The following TAFA2 variants were observed in gnomAD, a reference collection of about 807,000 sequenced individuals.
TAFA2 encodes the protein TAFA chemokine like family member 2.
TAFA2 carries 7 observed loss-of-function variants against 18.8 expected under a neutral mutation model. That is an observed-to-expected ratio of 0.37 (90% CI 0.21 to 0.70). The LOEUF (loss-of-function observed/expected upper bound fraction) is 0.70. Among genes scored for constraint, TAFA2 ranks in the 30% least tolerant of loss-of-function variants. The pLI is 0.53. For synonymous variants in TAFA2, 60 were observed against 54.2 expected (o/e 1.11, Z -0.47); for missense variants, 122 against 158.1 (o/e 0.77, Z 1.23).
chr12:61,951,304 G>T (rs949481604), intron 1 of TAFA2, among the ~76,000 whole-genome samples: 1 of 152,098 alleles, frequency 6.6e-6, no homozygotes, highest in African/African-American at 2.4e-5. Context: ...GATTTTACAG[G>T]CAAATATGTT....
intron 1 of TAFA2, among the ~76,000 whole-genome samples, chr12:61,988,061 T>C (rs1369232726): frequency 6.6e-6 from 1 of 152,122 alleles, no homozygotes; most frequent in African/African-American, 2.4e-5. Flanking sequence ...AGGAGGAAGG[T>C]TTTCCTGGCA....
intron 2 of TAFA2, among the ~76,000 whole-genome samples, chr12:61,852,948 G>T (rs995851100): frequency 6.6e-6 from 1 of 152,130 alleles, no homozygotes; most frequent in Admixed American, 6.6e-5. Flanking sequence ...ACCTTTAGCT[G>T]TAGGAAGAAT....
At chr12:61,910,090 GTGTGTGTGTT>G (rs1183683219) in intron 1 of TAFA2, among the ~76,000 whole-genome samples, 5 of 101,128 alleles carry the variant, frequency 4.9e-5, no homozygotes, top group African/African-American at 1.7e-4. Flanking sequence ...GCTTGTGTGT[GTGTGTGTGTT>G]TGTGTGTGTG....
intron 1 of TAFA2, among the ~76,000 whole-genome samples, chr12:62,081,562 A>T (rs1362053720): frequency 1.3e-5 from 2 of 151,818 alleles, no homozygotes; most frequent in African/African-American, 2.4e-5. Context: ...TCGACTCACT[A>T]CAACCTCCGC....
rs1052955343 is a variant in TAFA2, at chr12:61,923,154, G to A, written c.-1-55728C>T. On this transcript the variant is annotated intron_variant, in intron 1 of 4. Transcript: ENST00000416284. ...GGATACAGCACCTGGGGGAAGAGGCGGCTGTAGGTGCAGCTTCAGCAGATG... is the reference window on the plus strand; with the variant it reads ...GGATACAGCACCTGGGGGAAGAGGCAGCTGTAGGTGCAGCTTCAGCAGATG... Among the ~76,000 whole-genome samples the A allele has an allele frequency of 3.3e-5, 5 of 152,162 alleles. No individual in the cohort carries two copies. The South Asian group carries it at 6.2e-4, about 19-fold the overall frequency.
intron 1 of TAFA2, among the ~76,000 whole-genome samples, chr12:62,026,125 C>A (rs926495783): frequency 6.6e-6 from 1 of 152,070 alleles, no homozygotes; most frequent in South Asian, 2.1e-4. Flanking sequence ...TTTAGATGAG[C>A]ATAAACATTA....
chr12:61,903,012 T>G (rs1876177517), intron 1 of TAFA2, among the ~76,000 whole-genome samples: 1 of 152,158 alleles, frequency 6.6e-6, no homozygotes, highest in Admixed American at 6.5e-5. Flanking sequence ...CTTCTATTCT[T>G]GCCCAACGCT....
chr12:62,175,578 T>G (rs2062507070), intron 1 of TAFA2, among the ~76,000 whole-genome samples: 1 of 152,168 alleles, frequency 6.6e-6, no homozygotes, highest in South Asian at 2.1e-4. Flanking sequence ...ATATTTTCAC[T>G]TTGCCACATC....
At chr12:61,984,726 C>T (rs1258279757) in intron 1 of TAFA2, among the ~76,000 whole-genome samples, 1 of 152,126 alleles carries the variant, frequency 6.6e-6, no homozygotes. Context: ...TGAACATACC[C>T]TCATGTACAG....
chr12:62,074,122 T>A (rs995347314), intron 1 of TAFA2, among the ~76,000 whole-genome samples: 15 of 152,342 alleles, frequency 9.8e-5, no homozygotes, highest in African/African-American at 3.6e-4. Context: ...CATTTAAGTT[T>A]AAAGTGTTTT....
chr12:61,906,990 T>G (rs1876384728), intron 1 of TAFA2, among the ~76,000 whole-genome samples: 1 of 152,142 alleles, frequency 6.6e-6, no homozygotes, highest in African/African-American at 2.4e-5. Context: ...GCATTCAGTT[T>G]TATGTATTCA....
At chr12:61,753,596 T>C in intron 4 of TAFA2, 26 bp downstream of exon 4, 1 of 1,601,588 alleles carries the variant, frequency 6.2e-7, no homozygotes, top group Middle Eastern at 1.7e-4. Context: ...AGACATTCTG[T>C]TTTCCCAAGC....
chr12:61,758,039 C>A (rs992825214), intron 2 of TAFA2, among the ~76,000 whole-genome samples: 1 of 151,856 alleles, frequency 6.6e-6, no homozygotes, highest in East Asian at 1.9e-4. Flanking sequence ...TTAAATGAGT[C>A]ATGTATAAAG....
At chr12:61,755,880 T>C (rs1869241525) in intron 2 of TAFA2, among the ~76,000 whole-genome samples, 1 of 152,126 alleles carries the variant, frequency 6.6e-6, no homozygotes, top group Non-Finnish European at 1.5e-5. Context: ...GTAATCCTAC[T>C]GTGAAAAGAT....
intron 1 of TAFA2, among the ~76,000 whole-genome samples, chr12:61,923,705 C>A (rs1877156256): frequency 6.6e-6 from 1 of 151,938 alleles, no homozygotes; most frequent in African/African-American, 2.4e-5. Flanking sequence ...TAACTCTTCA[C>A]CAGAAAGGGA....
intron 4 of TAFA2, among the ~76,000 whole-genome samples, chr12:61,748,196 T>C (rs1259283343): frequency 6.6e-6 from 1 of 152,120 alleles, no homozygotes; most frequent in Admixed American, 6.6e-5. Context: ...AACATTATAA[T>C]GCAACCTTAA....
At chr12:62,215,949 A>G (rs902441454) in intron 1 of TAFA2, among the ~76,000 whole-genome samples, 1 of 152,136 alleles carries the variant, frequency 6.6e-6, no homozygotes, top group Non-Finnish European at 1.5e-5. Context: ...CCATCAAAAG[A>G]TGGGGTTTCT....
intron 1 of TAFA2, among the ~76,000 whole-genome samples, chr12:62,187,382 G>A (rs2136957664): frequency 6.6e-6 from 1 of 152,202 alleles, no homozygotes; most frequent in South Asian, 2.1e-4. Flanking sequence ...GTCAAATCAT[G>A]GAAAATAGTG....
chr12:62,153,524 G>C, intron 1 of TAFA2, among the ~76,000 whole-genome samples: 1 of 151,994 alleles, frequency 6.6e-6, no homozygotes, highest in Non-Finnish European at 1.5e-5. Flanking sequence ...TTAAAAATTA[G>C]CCAGGTGTGA....
Sources: allele counts gnomAD v4.1 joint callset (sites outside exome capture counted in the v4.1 genomes callset), GRCh38; gene constraint gnomAD v4.1.1; transcripts MANE v1.5; gene names NCBI Gene and HGNC (gene_info 2026-07-23, HGNC 2026-07-21).